P2RX6: variants seen among roughly 807,000 people sequenced by gnomAD.
The protein encoded by P2RX6 is P2X purinoceptor 6.
A neutral mutation model predicts 54.2 loss-of-function variants in P2RX6; 62 were observed. The ratio of observed to expected loss-of-function variants is 1.14; its 90% CI spans 0.93 to 1.41. The LOEUF (loss-of-function observed/expected upper bound fraction) is 1.41. Ranked by LOEUF, P2RX6 falls within the 40% of genes most tolerant of loss-of-function variation. The pLI is 0.00. For synonymous variants in P2RX6, 211 were observed against 231.9 expected, an observed-to-expected ratio of 0.91 and a Z score of 0.82; for missense variants, 541 against 566.3, an observed-to-expected ratio of 0.96 and a Z score of 0.45.
chr22:21,021,885 G>A (rs1050827581), intron 3 of P2RX6, among the ~76,000 whole-genome samples: 11 of 152,174 alleles, frequency 7.2e-5, no homozygotes, highest in African/African-American at 2.7e-4. Flanking sequence ...CAGCAAGGGT[G>A]TGGGGTCCTG....
intron 4 of P2RX6, 29 bp downstream of exon 4, chr22:21,022,780 C>T (rs1260272048): frequency 1.3e-6 from 2 of 1,543,810 alleles, no homozygotes; most frequent in East Asian, 2.3e-5. Context: ...TTCCAGTGCC[C>T]CCAGCAGGGT....
chr22:21,020,978 C>G (rs112414733), intron 3 of P2RX6, among the ~76,000 whole-genome samples: 2,682 of 151,952 alleles, frequency 0.018, 24 homozygotes, highest in Middle Eastern at 0.027. Context: ...GGGTAAAGGC[C>G]CTGAGCTGTG....
At chr22:21,016,598 A>T (rs1394798330) in intron 2 of P2RX6, among the ~76,000 whole-genome samples, 1 of 151,828 alleles carries the variant, frequency 6.6e-6, no homozygotes, top group African/African-American at 2.4e-5. Context: ...CAAAAAAAAA[A>T]AAAAAAAAGC....
rs1285930016 is a variant in P2RX6 at position 21,016,162 on chromosome 22, C to T, written c.315+70C>T. 21 of 1,454,742 alleles carry T rather than the reference C, an allele frequency of 1.4e-5. No homozygotes were observed. In the Middle Eastern group the frequency reaches 7.3e-4, roughly 50 times the overall value. 90.1% of individuals were successfully genotyped at this position (1,454,742 alleles called of 1,614,324 possible). On this transcript the variant is annotated intron_variant, in intron 2 of 11. Coordinates refer to ENST00000413302, the MANE Select transcript of P2RX6 (RefSeq NM_005446.5). ...ACTGACAGCCTGAACACCCGCCATG[C>T]AGCCAGTGTGTGCGAGAGAGAAGCA...
chr22:21,010,562 G>A (rs1179129731), upstream of P2RX6, among the ~76,000 whole-genome samples: 1 of 152,052 alleles, frequency 6.6e-6, no homozygotes, highest in African/African-American at 2.4e-5. Context: ...AGATTCACTG[G>A]CATTCCCCTA....
chr22:21,021,751 G>A (rs1464779015), intron 3 of P2RX6, among the ~76,000 whole-genome samples: 1 of 152,086 alleles, frequency 6.6e-6, no homozygotes, highest in Non-Finnish European at 1.5e-5. Context: ...TCTGGGGTCT[G>A]GGACCCCAGA....
chr22:21,014,347 G>T (rs1027394351), upstream of P2RX6: 1 of 152,464 alleles, frequency 6.6e-6, no homozygotes, highest in Non-Finnish European at 1.5e-5. Flanking sequence ...CCATCGACTG[G>T]CGTCTGCCAC....
intron 1 of P2RX6, among the ~76,000 whole-genome samples, chr22:21,015,689 T>C (rs539451095): frequency 6.6e-5 from 10 of 151,864 alleles, no homozygotes; most frequent in African/African-American, 2.4e-4. Context: ...AAGCTGGATC[T>C]AGTCAGGCTG....
rs776197711 is a variant in P2RX6, at chr22:21,022,712, G to A, written c.424G>A (p.Glu142Lys). 9 of 1,579,102 alleles carry A rather than the reference G, an allele frequency of 5.7e-6. No individual in the cohort carries two copies. The highest frequency in any genetic ancestry group is 1.8e-5 in the Admixed American group (1 of 54,758). Residue 142 changes from glutamate to lysine, a missense_variant, in exon 4 of 12, where the codon GAG becomes AAG. Physicochemically the swap from Glu to Lys is moderately conservative, Grantham distance 56 (BLOSUM62 1). Around this residue, in one of 2 missense-constraint regions of P2RX6, gnomAD observed 526 missense variants for 531.5 expected, o/e 0.99. Coordinates refer to ENST00000413302, the MANE Select transcript of P2RX6 (RefSeq NM_005446.5). Reference protein sequence around the residue: ...SVPLANCWVDEDCPEGEGGTH... With the variant: ...SVPLANCWVDKDCPEGEGGTH... ...CCCACTGGCTAACTGCTGGGTCGAC[G>A]AGGACTGCCCCGAAGGGGAGGGAGG...
At chr22:21,011,858 G>C (rs1408890792), upstream of P2RX6, among the ~76,000 whole-genome samples, 2 of 152,168 alleles carry the variant, frequency 1.3e-5, no homozygotes, top group Non-Finnish European at 2.9e-5. Context: ...GCTGTGGTGG[G>C]GGGCAGCCAC....
At position 21,022,731 on chromosome 22, in the gene P2RX6, AG is replaced by A; in HGVS notation, c.446del (p.Gly149GlufsTer8). 1 of 1,576,654 alleles carries A rather than the reference AG, an allele frequency of 6.3e-7. No individual in the cohort carries two copies. Among genetic ancestry groups the A allele is most frequent in the Non-Finnish European group, 8.6e-7 (1 of 1,162,394 alleles). ...CWVDEDCPEGEGGTHSHGVKT... is the reference protein window; with the variant it reads ...CWVDEDCPEGXGGTHSHGVKT... ...GTCGACGAGGACTGCCCCGAAGGGG[AG>A]GGAGGCACACACAGCCACGGTAACT... On this transcript the variant is annotated frameshift_variant, in exon 4 of 12. Coordinates refer to ENST00000413302, the MANE Select transcript of P2RX6 (RefSeq NM_005446.5). LOFTEE classifies it high-confidence loss of function.
intron 8 of P2RX6, among the ~76,000 whole-genome samples, chr22:21,024,881 T>TTTTC: frequency 6.8e-6 from 1 of 147,400 alleles, no homozygotes; most frequent in South Asian, 2.2e-4. Flanking sequence ...TTTTTGTGTT[T>TTTTC]TTTTTTTTTT....
upstream of P2RX6, among the ~76,000 whole-genome samples, chr22:21,012,355 C>T (rs1450754351): frequency 6.6e-6 from 1 of 152,150 alleles, no homozygotes; most frequent in Non-Finnish European, 1.5e-5. Context: ...AGCTGCACAG[C>T]AGAGGGTCTA....
chr22:21,025,134 G>A (rs138026451), intron 8 of P2RX6, among the ~76,000 whole-genome samples: 2,562 of 152,160 alleles, frequency 0.017, 65 homozygotes, highest in African/African-American at 0.059. Context: ...ACCTGCCTCA[G>A]CCTCCCAAAG....
chr22:21,021,910 C>T (rs1927468643), intron 3 of P2RX6, among the ~76,000 whole-genome samples: 1 of 152,164 alleles, frequency 6.6e-6, no homozygotes, highest in Admixed American at 6.5e-5. Flanking sequence ...AATACCCAAG[C>T]CCCTGACTCT....
At chr22:21,023,488 A>T in intron 7 of P2RX6, 21 bp from the exon 8 acceptor site, 1 of 1,613,678 alleles carries the variant, frequency 6.2e-7, no homozygotes, top group Non-Finnish European at 8.5e-7. Context: ...CACCGGTGGA[A>T]AAGCTATGTG....
intron 3 of P2RX6, chr22:21,018,779 ATT>A (rs60756839): frequency 0.27 from 38,459 of 144,954 alleles, 5,039 homozygotes; most frequent in East Asian, 0.45. Context: ...CGCCCAGCTA[ATT>A]TTTTTTTTTT....
At chr22:21,010,572 A>G (rs1251080205), upstream of P2RX6, among the ~76,000 whole-genome samples, 3 of 152,014 alleles carry the variant, frequency 2.0e-5, no homozygotes, top group Non-Finnish European at 4.4e-5. Context: ...GCATTCCCCT[A>G]AGAGTTTGGT....
chr22:21,024,572 G>C (rs1206013103), intron 8 of P2RX6, among the ~76,000 whole-genome samples: 1 of 151,994 alleles, frequency 6.6e-6, no homozygotes, highest in South Asian at 2.1e-4. Flanking sequence ...CACCACGCCC[G>C]ACCTTTTTTT....
Sources: gnomAD v4.1 joint callset for allele counts (sites outside exome capture counted in the v4.1 genomes callset) on GRCh38, gnomAD v4.1.1 for gene constraint, gnomAD v4.1.1 regional missense constraint, MANE v1.5 for transcripts, NCBI Gene and HGNC (gene_info 2026-07-23, HGNC 2026-07-21) for gene names.